The following PTPRJ variants were observed in gnomAD, a reference collection of about 807,000 sequenced individuals.
The protein encoded by PTPRJ is receptor-type tyrosine-protein phosphatase eta.
A neutral mutation model predicts 141.3 loss-of-function variants in PTPRJ; 129 were observed. The ratio of observed to expected loss-of-function variants is 0.91; its 90% CI spans 0.79 to 1.06. The LOEUF (loss-of-function observed/expected upper bound fraction) is 1.06, where lower values mean the gene tolerates loss of function less well. PTPRJ is among the 50% of genes least tolerant of loss of function. The pLI, the probability that PTPRJ is intolerant of heterozygous loss-of-function variation, is 0.00. For missense variants in PTPRJ, 1,601 were observed against 1,679.7 expected (o/e 0.95, Z 0.82); for synonymous variants, 610 against 640.5 (o/e 0.95, Z 0.72).
chr11:47,983,424 T>C (rs930521327), intron 1 of PTPRJ, among the ~76,000 whole-genome samples: 8 of 152,222 alleles, frequency 5.3e-5, no homozygotes, highest in Non-Finnish European at 7.3e-5. Context: ...GAATCAACTA[T>C]ACCAGGTTAA....
rs571869175 is a variant in PTPRJ at position 48,013,229 on chromosome 11, A to G, written c.96+32221A>G. Among the ~76,000 whole-genome samples, 10 of 151,916 alleles carry G rather than the reference A, an allele frequency of 6.6e-5. No individual in the cohort carries two copies. The South Asian group carries it at 8.3e-4, about 13-fold the overall frequency. ...GCTCATGTTCACCCCCAGGCCCCTT[A>G]TTTTCTTTCAAACACATGGAATGGG... On this transcript the variant is annotated intron_variant, in intron 1 of 24. Transcript: ENST00000418331.
intron 21 of PTPRJ, among the ~76,000 whole-genome samples, chr11:48,159,285 T>C (rs1316815302): frequency 6.6e-6 from 1 of 152,174 alleles, no homozygotes; most frequent in Non-Finnish European, 1.5e-5. Context: ...TTTGATTTTC[T>C]TTATTGGTGT....
intron 1 of PTPRJ, among the ~76,000 whole-genome samples, chr11:48,048,623 G>A (rs533721043): frequency 2.0e-5 from 3 of 151,858 alleles, no homozygotes; most frequent in East Asian, 1.9e-4. Context: ...GCGAAACCCC[G>A]TCTCTACTAA....
intron 1 of PTPRJ, among the ~76,000 whole-genome samples, chr11:48,005,683 C>T (rs1854603755): frequency 6.6e-6 from 1 of 152,164 alleles, no homozygotes; most frequent in Non-Finnish European, 1.5e-5. Context: ...GTTTGTGTGG[C>T]CACGGGTTTT....
chr11:48,127,309 G>A (rs147588000), intron 6 of PTPRJ, among the ~76,000 whole-genome samples: 42 of 152,286 alleles, frequency 2.8e-4, no homozygotes, highest in African/African-American at 9.6e-4. Flanking sequence ...TATAGGTGAG[G>A]AAGCTGAGCT....
At chr11:48,035,730 G>A (rs1854108613) in intron 1 of PTPRJ, among the ~76,000 whole-genome samples, 1 of 151,910 alleles carries the variant, frequency 6.6e-6, no homozygotes, top group African/African-American at 2.4e-5. Context: ...GATACTAAAT[G>A]ATATTCTCAT....
At chr11:48,098,799 G>T (rs1856081064) in intron 1 of PTPRJ, among the ~76,000 whole-genome samples, 2 of 147,810 alleles carry the variant, frequency 1.4e-5, no homozygotes, top group Non-Finnish European at 3.0e-5. Flanking sequence ...GATTACAGGC[G>T]TGAGCCACCG....
intron 1 of PTPRJ, among the ~76,000 whole-genome samples, chr11:48,068,491 C>T (rs764188444): frequency 1.3e-5 from 2 of 152,106 alleles, no homozygotes; most frequent in African/African-American, 4.8e-5. Context: ...TGTGACTTTG[C>T]GCCTCCTTCC....
At chr11:48,141,169 C>T (rs1025063730) in intron 11 of PTPRJ, among the ~76,000 whole-genome samples, 3 of 152,124 alleles carry the variant, frequency 2.0e-5, no homozygotes, top group Non-Finnish European at 4.4e-5. Context: ...GAGATCCCAT[C>T]TCATTTATTT....
intron 1 of PTPRJ, among the ~76,000 whole-genome samples, chr11:47,984,703 C>T (rs1324851436): frequency 2.6e-5 from 4 of 152,092 alleles, no homozygotes; most frequent in East Asian, 3.9e-4. Context: ...GGATTACAGG[C>T]GTATGCCGCC....
intron 1 of PTPRJ, among the ~76,000 whole-genome samples, chr11:48,072,769 A>G (rs1390622116): frequency 6.6e-6 from 1 of 152,200 alleles, no homozygotes; most frequent in African/African-American, 2.4e-5. Context: ...ACTGGTGTGC[A>G]GGATGATTTT....
intron 1 of PTPRJ, among the ~76,000 whole-genome samples, chr11:48,014,230 GT>G (rs1854892955): frequency 6.6e-6 from 1 of 152,164 alleles, no homozygotes; most frequent in South Asian, 2.1e-4. Context: ...CCTTCCTTCT[GT>G]GTGAGGAAAA....
At chr11:48,143,077 C>T (rs890059716) in intron 12 of PTPRJ, 27 bp downstream of exon 12, 4 of 1,613,158 alleles carry the variant, frequency 2.5e-6, no homozygotes, top group Non-Finnish European at 3.4e-6. Context: ...GTGGGTTAAA[C>T]AGCCCATGAG....
chr11:48,170,782 G>T lies in PTPRJ; in HGVS notation c.*3420G>T, dbSNP rs541637197. The stretch of plus-strand genomic sequence containing the variant: ...TTTTTTTTTTTTTAAGGAAAAAATG[G>T]CCTGAAAACATTTTTTTAAAGACTT... On this transcript the variant is annotated 3_prime_UTR_variant, in exon 25 of 25. Transcript: ENST00000418331. The T allele has an allele frequency of 8.0e-4, 120 of 150,576 alleles. No homozygotes were observed. Among genetic ancestry groups the T allele is most frequent in the African/African-American group, 2.9e-3 (118 of 41,030 alleles). 9.3% of individuals were successfully genotyped at this position (150,576 alleles called of 1,614,324 possible).
intron 1 of PTPRJ, among the ~76,000 whole-genome samples, chr11:48,017,135 T>C (rs1371697966): frequency 6.6e-6 from 1 of 152,168 alleles, no homozygotes; most frequent in Non-Finnish European, 1.5e-5. Flanking sequence ...TGTAGAGATG[T>C]TACATAGTGG....
chr11:48,010,187 AT>A (rs1006193402), intron 1 of PTPRJ, among the ~76,000 whole-genome samples: 63 of 151,222 alleles, frequency 4.2e-4, no homozygotes, highest in Middle Eastern at 3.4e-3. Flanking sequence ...TTATTTATTT[AT>A]TTTTTTTGAG....
chr11:48,136,910 A>G, intron 9 of PTPRJ, 93 bp from the exon 10 acceptor site: 1 of 1,323,586 alleles, frequency 7.6e-7, no homozygotes, highest in Non-Finnish European at 1.0e-6. Flanking sequence ...ATTCTTTCTA[A>G]AACGAGCCAG....
chr11:48,058,199 A>G (rs745659939), intron 1 of PTPRJ, among the ~76,000 whole-genome samples: 6 of 152,084 alleles, frequency 3.9e-5, no homozygotes, highest in Non-Finnish European at 8.8e-5. Flanking sequence ...GGCATGAGCT[A>G]CCACACCCAG....
intron 1 of PTPRJ, among the ~76,000 whole-genome samples, chr11:48,093,620 T>C (rs1855928267): frequency 6.6e-6 from 1 of 152,182 alleles, no homozygotes; most frequent in African/African-American, 2.4e-5. Context: ...AGCGATTTTA[T>C]GTATTTTTTG....
Sources: allele counts gnomAD v4.1 joint callset (sites outside exome capture counted in the v4.1 genomes callset), GRCh38; gene constraint gnomAD v4.1.1; transcripts MANE v1.5; gene names NCBI Gene and HGNC (gene_info 2026-07-23, HGNC 2026-07-21).